The following SHISA6 variants were observed in gnomAD, a reference collection of about 807,000 sequenced individuals.
SHISA6 encodes shisa family member 6.
SHISA6 carries 22 observed loss-of-function variants against 47.9 expected under a neutral mutation model. The ratio of observed to expected loss-of-function variants is 0.46; its 90% CI spans 0.33 to 0.66. The LOEUF is 0.66. Ranked by LOEUF, SHISA6 falls within the 30% of genes least tolerant of loss-of-function variation. The pLI, the probability that SHISA6 is intolerant of heterozygous loss-of-function variation, is 0.02. For synonymous variants in SHISA6, 388 were observed against 337.8 expected (o/e 1.15, Z -1.63); for missense variants, 680 against 764.6 (o/e 0.89, Z 1.30).
intron 3 of SHISA6, among the ~76,000 whole-genome samples, chr17:11,421,218 G>A (rs1432707712): frequency 6.6e-6 from 1 of 152,056 alleles, no homozygotes; most frequent in Non-Finnish European, 1.5e-5. Context: ...AGGTGATAAA[G>A]TACTGTGTTA....
At chr17:11,482,377 G>C (rs116719267) in intron 3 of SHISA6, among the ~76,000 whole-genome samples, 4 of 152,100 alleles carry the variant, frequency 2.6e-5, no homozygotes, top group Non-Finnish European at 5.9e-5. Flanking sequence ...TCCAGAAGAC[G>C]GCAGCTACAC....
intron 3 of SHISA6, among the ~76,000 whole-genome samples, chr17:11,397,648 C>G (rs1382078745): frequency 3.3e-5 from 5 of 151,716 alleles, no homozygotes; most frequent in African/African-American, 1.2e-4. Flanking sequence ...AAATGCTGTC[C>G]CATTGTTGCC....
chr17:11,333,391 C>T (rs1911201494), intron 2 of SHISA6, among the ~76,000 whole-genome samples: 1 of 152,152 alleles, frequency 6.6e-6, no homozygotes. Context: ...TGATTACAGG[C>T]CTGGAACTTT....
intron 3 of SHISA6, among the ~76,000 whole-genome samples, chr17:11,470,809 T>C (rs1275692886): frequency 6.6e-6 from 1 of 152,054 alleles, no homozygotes; most frequent in East Asian, 1.9e-4. Flanking sequence ...TGGCAGGAAA[T>C]GAAGGTACTT....
chr17:11,405,863 A>G (rs1467715869), intron 3 of SHISA6, among the ~76,000 whole-genome samples: 3 of 152,082 alleles, frequency 2.0e-5, no homozygotes, highest in Non-Finnish European at 2.9e-5. Context: ...GCTGTTTTAC[A>G]CCAGAGTCGG....
intron 3 of SHISA6, among the ~76,000 whole-genome samples, chr17:11,454,013 T>G (rs552569723): frequency 1.4e-4 from 21 of 152,252 alleles, no homozygotes; most frequent in Non-Finnish European, 2.8e-4. Flanking sequence ...GGAGAGGGAT[T>G]GCTGGGTCCT....
At chr17:11,309,841 C>T (rs937087892) in intron 2 of SHISA6, among the ~76,000 whole-genome samples, 5 of 152,138 alleles carry the variant, frequency 3.3e-5, no homozygotes, top group Non-Finnish European at 7.3e-5. Context: ...ATTTCCTTTC[C>T]CCATTTTCAA....
At chr17:11,302,769 C>T (rs904262300) in intron 2 of SHISA6, among the ~76,000 whole-genome samples, 2 of 151,500 alleles carry the variant, frequency 1.3e-5, no homozygotes, top group African/African-American at 2.4e-5. Context: ...AGGGCAGACC[C>T]GAAGGGTTGC....
At chr17:11,354,522 G>A (rs747348462) in intron 2 of SHISA6, among the ~76,000 whole-genome samples, 14 of 152,302 alleles carry the variant, frequency 9.2e-5, no homozygotes, top group Non-Finnish European at 1.2e-4. Flanking sequence ...CTCAGTTGGA[G>A]GGGCATAGAG....
chr17:11,366,687 T>C (rs1032327319), intron 2 of SHISA6, among the ~76,000 whole-genome samples: 1 of 151,920 alleles, frequency 6.6e-6, no homozygotes, highest in African/African-American at 2.4e-5. Flanking sequence ...GGATGTGAAA[T>C]GAAGCTTGCA....
intron 2 of SHISA6, among the ~76,000 whole-genome samples, chr17:11,377,380 A>C (rs1227851174): frequency 1.3e-5 from 2 of 152,120 alleles, no homozygotes; most frequent in Non-Finnish European, 2.9e-5. Context: ...TCCAGAAGGG[A>C]GGGTGTGAGG....
chr17:11,324,300 A>G (rs1431487077), intron 2 of SHISA6, among the ~76,000 whole-genome samples: 1 of 152,136 alleles, frequency 6.6e-6, no homozygotes, highest in Non-Finnish European at 1.5e-5. Context: ...TTCCCCCGTA[A>G]CACAGCATTT....
chr17:11,368,959 T>A (rs150974046), intron 2 of SHISA6, among the ~76,000 whole-genome samples: 10 of 152,256 alleles, frequency 6.6e-5, no homozygotes, highest in African/African-American at 2.4e-4. Context: ...CCGGCCGAAT[T>A]ATTGTACTTA....
At chr17:11,350,178 A>ATTTTTTTTTTTTTT (rs199879665) in intron 2 of SHISA6, among the ~76,000 whole-genome samples, 29 of 101,138 alleles carry the variant, frequency 2.9e-4, no homozygotes, top group African/African-American at 9.0e-4. Context: ...TTATTTATTT[A>ATTTTTTTTTTTTTT]TTTATTTTTT....
intron 2 of SHISA6, among the ~76,000 whole-genome samples, chr17:11,322,276 G>GT (rs886851789): frequency 3.0e-4 from 46 of 152,020 alleles, no homozygotes; most frequent in African/African-American, 8.4e-4. Context: ...GAAAAAAAGA[G>GT]TTTTTTGTAT....
intron 2 of SHISA6, among the ~76,000 whole-genome samples, chr17:11,358,044 A>T (rs1421577693): frequency 2.0e-5 from 3 of 152,232 alleles, no homozygotes; most frequent in African/African-American, 7.2e-5. Flanking sequence ...GGTAAAATAT[A>T]CATAACATAA....
chr17:11,485,775 T>TAA (rs1168921209), intron 3 of SHISA6, among the ~76,000 whole-genome samples: 4 of 151,220 alleles, frequency 2.6e-5, no homozygotes, highest in African/African-American at 9.7e-5. Flanking sequence ...TTTTTTTTTT[T>TAA]AAATCACTCC....
chr17:11,398,568 G>C (rs367598063), intron 3 of SHISA6, among the ~76,000 whole-genome samples: 19 of 151,900 alleles, frequency 1.3e-4, no homozygotes, highest in Non-Finnish European at 2.8e-4. Flanking sequence ...TCCGCATTCC[G>C]ACAGTAGGTT....
intron 2 of SHISA6, among the ~76,000 whole-genome samples, chr17:11,314,574 T>C (rs1278067573): frequency 6.6e-6 from 1 of 151,490 alleles, no homozygotes; most frequent in Non-Finnish European, 1.5e-5. Flanking sequence ...CCGCTCTTGT[T>C]CCCCAGGCTC....
Sources: gnomAD v4.1 joint callset for allele counts (sites outside exome capture counted in the v4.1 genomes callset) on GRCh38, gnomAD v4.1.1 for gene constraint, MANE v1.5 for transcripts, NCBI Gene and HGNC (gene_info 2026-07-23, HGNC 2026-07-21) for gene names.